SAMD4A: variants seen among roughly 807,000 people sequenced by gnomAD.
SAMD4A encodes the protein protein Smaug homolog 1.
Under a neutral mutation model 81.3 loss-of-function variants are expected in SAMD4A, and 33 were observed. The ratio of observed to expected loss-of-function variants is 0.41; its 90% CI spans 0.31 to 0.54. The LOEUF (loss-of-function observed/expected upper bound fraction) is 0.54. SAMD4A is among the 20% of genes least tolerant of loss of function. The probability of loss-of-function intolerance (pLI) is 0.37; values close to 1 mark genes in which losing one functional copy is unlikely to be tolerated. For missense variants in SAMD4A, 854 were observed against 951.1 expected, an observed-to-expected ratio of 0.90 and a Z score of 1.34; for synonymous variants, 389 against 382.1, an observed-to-expected ratio of 1.02 and a Z score of -0.21.
At chr14:54,752,797 C>G (rs954080017) in intron 6 of SAMD4A, among the ~76,000 whole-genome samples, 1 of 152,074 alleles carries the variant, frequency 6.6e-6, no homozygotes, top group Non-Finnish European at 1.5e-5. Flanking sequence ...TTACTATCTT[C>G]GTTATTTCAG....
intron 2 of SAMD4A, among the ~76,000 whole-genome samples, chr14:54,614,223 A>C (rs1419831887): frequency 3.9e-5 from 6 of 152,174 alleles, no homozygotes; most frequent in Non-Finnish European, 8.8e-5. Flanking sequence ...GGAAAAGATA[A>C]TTTTTTTCAT....
chr14:54,738,712 G>C (rs886979125), intron 4 of SAMD4A, among the ~76,000 whole-genome samples: 1 of 152,206 alleles, frequency 6.6e-6, no homozygotes, highest in Admixed American at 6.5e-5. Context: ...CAGGTGATGC[G>C]TAGCAGGTGA....
At chr14:54,747,067 G>C (rs972868109) in intron 4 of SAMD4A, among the ~76,000 whole-genome samples, 4 of 152,228 alleles carry the variant, frequency 2.6e-5, no homozygotes, top group Admixed American at 1.3e-4. Context: ...CTGGACTCTT[G>C]ATCCAACTGC....
intron 3 of SAMD4A, among the ~76,000 whole-genome samples, chr14:54,720,901 A>G (rs1289789034): frequency 2.6e-5 from 4 of 152,070 alleles, no homozygotes; most frequent in African/African-American, 9.7e-5. Flanking sequence ...CTATGGGCAC[A>G]CACACCACCT....
chr14:54,678,474 T>TAGGTCA (rs2036043785), intron 2 of SAMD4A, among the ~76,000 whole-genome samples: 2 of 68,856 alleles, frequency 2.9e-5, no homozygotes, highest in Non-Finnish European at 3.9e-5. Flanking sequence ...TGTGTGTGTG[T>TAGGTCA]GTGTGTGTGT....
Position 54,737,093 on chromosome 14 carries a change from C to T in SAMD4A, c.785C>T (p.Pro262Leu). The T allele has an allele frequency of 1.2e-6, 2 of 1,614,054 alleles. No homozygotes were observed. Among genetic ancestry groups the T allele is most frequent in the Non-Finnish European group, 1.7e-6 (2 of 1,180,020 alleles). ...SVSLTPPMNV[P>L]NQPLGHGWMS... is the part of the protein sequence containing the mutation. Reference sequence around the variant, plus strand: ...TCCCTTACCCCACCCATGAATGTGCCAAACCAGCCTCTAGGACATGGATGG... The same window carrying T: ...TCCCTTACCCCACCCATGAATGTGCTAAACCAGCCTCTAGGACATGGATGG... The change falls in exon 4 of 13, where the codon CCA (proline) becomes CTA (leucine). Residue 262 changes from proline (P) to leucine (L), a missense_variant. Physicochemically the swap from Pro to Leu is moderately conservative, Grantham distance 98. Around this residue, in one of 3 missense-constraint regions of SAMD4A, gnomAD observed 387 missense variants for 405.8 expected, o/e 0.95. Coordinates refer to ENST00000554335, the MANE Select transcript of SAMD4A (RefSeq NM_015589.6).
At chr14:54,693,489 C>A (rs1485274451) in intron 2 of SAMD4A, 2 of 152,120 alleles carry the variant, frequency 1.3e-5, no homozygotes, top group Non-Finnish European at 2.9e-5. Context: ...TTGAAACTAA[C>A]CTGAGCAACA....
chr14:54,752,267 A>G (rs1230259744), intron 6 of SAMD4A, among the ~76,000 whole-genome samples: 2 of 152,194 alleles, frequency 1.3e-5, no homozygotes, highest in Non-Finnish European at 2.9e-5. Flanking sequence ...CATTTTTAGG[A>G]CTTAATGATG....
chr14:54,691,275 T>C lies in SAMD4A; in HGVS notation c.197-10787T>C, dbSNP rs75137009. On this transcript the variant is annotated intron_variant, in intron 2 of 12. Transcript: ENST00000554335. Reference sequence around the variant, plus strand: ...ATGAGGCCCTTGTCTGGAGACATTATCCCTATGAGCTCTGAGGTCTTGTCT... The same window carrying C: ...ATGAGGCCCTTGTCTGGAGACATTACCCCTATGAGCTCTGAGGTCTTGTCT... Among the ~76,000 whole-genome samples the C allele has an allele frequency of 4.8e-3, 724 of 152,268 alleles. 10 individuals are homozygous for C. Among genetic ancestry groups the C allele is most frequent in the African/African-American group, 0.017 (690 of 41,560 alleles).
intron 12 of SAMD4A, among the ~76,000 whole-genome samples, chr14:54,787,907 T>A (rs1243417392): frequency 6.6e-6 from 1 of 152,198 alleles, no homozygotes; most frequent in Non-Finnish European, 1.5e-5. Flanking sequence ...GTTCATGGTA[T>A]GCAAGACCCT....
At position 54,779,074 on chromosome 14, in the gene SAMD4A, A is replaced by C. The variant is rs192780565; in HGVS notation, c.2044+2534A>C. Among the ~76,000 whole-genome samples the C allele has an allele frequency of 5.3e-5, 8 of 151,856 alleles. No individual in the cohort carries two copies. In the East Asian group the frequency reaches 1.3e-3, roughly 26 times the overall value. ...ACGAAGGCTCATCCTAGAGTCATAG[A>C]GTCAGGGTCCTCATCCTGGATTCAG... is the stretch of plus-strand genomic sequence containing the variant. On this transcript the variant is annotated intron_variant, in intron 11 of 12. Coordinates refer to ENST00000554335, the MANE Select transcript of SAMD4A (RefSeq NM_015589.6).
intron 2 of SAMD4A, among the ~76,000 whole-genome samples, chr14:54,649,563 CT>C (rs2035359152): frequency 6.6e-6 from 1 of 152,166 alleles, no homozygotes; most frequent in South Asian, 2.1e-4. Flanking sequence ...GACATAGCAA[CT>C]GGGTAGAAGT....
chr14:54,701,444 C>T (rs866249680), intron 2 of SAMD4A, among the ~76,000 whole-genome samples: 11 of 152,178 alleles, frequency 7.2e-5, no homozygotes, highest in African/African-American at 1.4e-4. Flanking sequence ...GCCAAGTCTT[C>T]GGTCCATTGC....
intron 9 of SAMD4A, among the ~76,000 whole-genome samples, chr14:54,773,504 C>T (rs565582299): frequency 2.8e-4 from 43 of 152,354 alleles, no homozygotes; most frequent in African/African-American, 7.5e-4. Context: ...GAAACCCTGC[C>T]GGCTGCTGTA....
intron 2 of SAMD4A, among the ~76,000 whole-genome samples, chr14:54,682,406 C>T (rs2140579818): frequency 6.6e-6 from 1 of 152,284 alleles, no homozygotes; most frequent in East Asian, 1.9e-4. Flanking sequence ...AACACTGGTA[C>T]CAATGGTAGC....
At chr14:54,625,896 C>G (rs116058573) in intron 2 of SAMD4A, among the ~76,000 whole-genome samples, 2,337 of 152,178 alleles carry the variant, frequency 0.015, 68 homozygotes, top group African/African-American at 0.054. Flanking sequence ...TATCTCTTGA[C>G]TTCTGCTTCA....
chr14:54,781,745 G>A (rs1027435907), intron 11 of SAMD4A, among the ~76,000 whole-genome samples: 5 of 152,368 alleles, frequency 3.3e-5, no homozygotes, highest in African/African-American at 1.2e-4. Context: ...GGTGGTTTAT[G>A]TTGGTCTGTG....
chr14:54,732,606 G>A (rs1262918618), intron 3 of SAMD4A, among the ~76,000 whole-genome samples: 1 of 152,050 alleles, frequency 6.6e-6, no homozygotes, highest in Non-Finnish European at 1.5e-5. Flanking sequence ...TTTAAAGATA[G>A]CAGAGAAATA....
At chr14:54,691,130 C>G (rs148617230) in intron 2 of SAMD4A, among the ~76,000 whole-genome samples, 51 of 152,336 alleles carry the variant, frequency 3.3e-4, no homozygotes, top group African/African-American at 1.2e-3. Flanking sequence ...GTCTGCTCCT[C>G]TCCGTCCTAC....
Sources: allele counts gnomAD v4.1 joint callset (sites outside exome capture counted in the v4.1 genomes callset), GRCh38; gene constraint gnomAD v4.1.1; regional missense constraint gnomAD v4.1.1; transcripts MANE v1.5; gene names NCBI Gene and HGNC (gene_info 2026-07-23, HGNC 2026-07-21).